ACACB: variants seen among roughly 807,000 people sequenced by gnomAD.
ACACB encodes acetyl-CoA carboxylase 2.
Under a neutral mutation model 278.8 loss-of-function variants are expected in ACACB, and 209 were observed. The observed-to-expected ratio is 0.75, with a 90% CI of 0.67 to 0.84. The LOEUF is 0.84. ACACB is among the 40% of genes least tolerant of loss of function. The pLI, the probability that ACACB is intolerant of heterozygous loss-of-function variation, is 0.00. For synonymous variants in ACACB, 1,174 were observed against 1,285.6 expected (o/e 0.91, Z 1.86); for missense variants, 2,850 against 3,269.0 (o/e 0.87, Z 3.13).
intron 7 of ACACB, 55 bp from the exon 8 acceptor site, chr12:109,175,876 T>G: frequency 1.3e-6 from 2 of 1,499,012 alleles, no homozygotes; most frequent in Non-Finnish European, 1.9e-6. Context: ...GGTTTCTGGG[T>G]TGTGTGTGTT....
At chr12:109,244,998 G>A (rs2046900987) in intron 37 of ACACB, among the ~76,000 whole-genome samples, 1 of 151,966 alleles carries the variant, frequency 6.6e-6, no homozygotes, top group Admixed American at 6.6e-5. Context: ...TCAGGAATTT[G>A]AGACTAGCCT....
intron 24 of ACACB, among the ~76,000 whole-genome samples, chr12:109,219,399 G>A (rs958312288): frequency 6.6e-6 from 1 of 152,128 alleles, no homozygotes; most frequent in Non-Finnish European, 1.5e-5. Context: ...CACCTAGGGG[G>A]TGGGGAGACT....
chr12:109,178,750 G>A (rs1190441974), intron 9 of ACACB, among the ~76,000 whole-genome samples: 1 of 152,216 alleles, frequency 6.6e-6, no homozygotes, highest in African/African-American at 2.4e-5. Context: ...AGAGGCAAGG[G>A]CTGGTGGGAG....
At chr12:109,193,783 G>C (rs2044986938) in intron 16 of ACACB, 54 bp downstream of exon 16, 1 of 1,491,960 alleles carries the variant, frequency 6.7e-7, no homozygotes, top group Non-Finnish European at 9.3e-7. Context: ...GCTTCAGGGA[G>C]TTTCTTTCTT....
At chr12:109,210,353 C>CTGTATATATGTATATACACGCACACACA (rs2045771076) in intron 21 of ACACB, among the ~76,000 whole-genome samples, 1 of 71,632 alleles carries the variant, frequency 1.4e-5, no homozygotes, top group Non-Finnish European at 3.0e-5. Context: ...ACACACATAT[C>CTGTATATATGTATATACACGCACACACA]TGTGTATATA....
chr12:109,261,613 G>A (rs141900292), intron 48 of ACACB, among the ~76,000 whole-genome samples: 2,443 of 152,250 alleles, frequency 0.016, 64 homozygotes, highest in African/African-American at 0.056. Context: ...GCTCACGCCT[G>A]TAATCCCAGC....
Position 109,233,996 on chromosome 12 carries a change from T to C in ACACB, c.4298T>C (p.Leu1433Pro), listed in dbSNP as rs1310947968. 6.2e-7 allele frequency: 1 copy of C among 1,614,032 alleles called. No homozygotes were observed. The highest frequency in any genetic ancestry group is 1.1e-5 in the South Asian group (1 of 91,048). ...LNVSIQCADH[L>P]EDEALVPILR... is the part of the protein sequence containing the mutation. ...GTGTCCATCCAGTGTGCAGACCACCTGGAGGATGAGGCACTGGTGCCGATT... is the reference window on the plus strand; with the variant it reads ...GTGTCCATCCAGTGTGCAGACCACCCGGAGGATGAGGCACTGGTGCCGATT... The change falls in exon 31 of 53, where the codon CTG becomes CCG. Residue 1433 changes from leucine to proline, a missense_variant. Leu to Pro is a moderately conservative substitution (Grantham distance 98, BLOSUM62 -3). Around this residue, in one of 3 missense-constraint regions of ACACB, gnomAD observed 2,265 missense variants for 2,561.3 expected, o/e 0.88. Transcript: ENST00000338432.
At chr12:109,117,369 AAAAAAG>A (rs1039862794) in intron 1 of ACACB, among the ~76,000 whole-genome samples, 6 of 151,846 alleles carry the variant, frequency 4.0e-5, no homozygotes, top group Non-Finnish European at 7.4e-5. Flanking sequence ...CAAAAAAAAA[AAAAAAG>A]AAAAGAAAAA....
intron 19 of ACACB, among the ~76,000 whole-genome samples, chr12:109,202,674 A>C (rs1277733474): frequency 1.3e-5 from 2 of 152,184 alleles, no homozygotes; most frequent in Non-Finnish European, 2.9e-5. Flanking sequence ...TTGCACGAGC[A>C]TGGTCCATTT....
intron 28 of ACACB, among the ~76,000 whole-genome samples, chr12:109,230,497 A>G (rs1018385224): frequency 1.3e-5 from 2 of 151,910 alleles, no homozygotes; most frequent in African/African-American, 4.8e-5. Context: ...ATCATAGCTC[A>G]CTACAGCCTT....
rs1229112394 is a variant in ACACB at position 109,264,147 on chromosome 12, CCTT to C, written c.6788-80_6788-78del. 7.2e-5 allele frequency: 104 copies of C among 1,435,074 alleles called. No homozygotes were observed. The African/African-American group carries it at 8.9e-4, about 12-fold the overall frequency. 88.9% of individuals were successfully genotyped at this position (1,435,074 alleles called of 1,614,324 possible). On this transcript the variant is annotated intron_variant, in intron 49 of 52. Coordinates refer to ENST00000338432, the MANE Select transcript of ACACB (RefSeq NM_001093.4). Reference sequence around the variant, plus strand: ...CCTGTCCTGCAAATCCTGATTTGTGCCTTCTTCAAAAAAAAAAAAAAATCTCCA... The same window carrying C: ...CCTGTCCTGCAAATCCTGATTTGTGCCTTCAAAAAAAAAAAAAAATCTCCA...
At chr12:109,250,199 T>G in intron 41 of ACACB, 95 bp downstream of exon 41, 1 of 1,345,268 alleles carries the variant, frequency 7.4e-7, no homozygotes, top group Non-Finnish European at 9.9e-7. Context: ...ATAAGCCCCA[T>G]GTGCCCGTCA....
chr12:109,254,145 A>AAAGTGCTGATC lies in ACACB; in HGVS notation c.6046-67_6046-57dup. 7 of 1,579,520 alleles carry AAAGTGCTGATC rather than the reference A, an allele frequency of 4.4e-6. No individual in the cohort carries two copies. The East Asian group carries it at 1.6e-4, about 36-fold the overall frequency. On this transcript the variant is annotated intron_variant, in intron 43 of 52. Transcript: ENST00000338432. Reference sequence around the variant, plus strand: ...CAGGCATAATCATAGTCAGAGGAGCAAAGTGCTGATCAGAGGTATTATTGA... The same window carrying AAAGTGCTGATC: ...CAGGCATAATCATAGTCAGAGGAGCAAAGTGCTGATCAAGTGCTGATCAGAGGTATTATTGA...
At chr12:109,222,131 G>A (rs1306779482) in intron 24 of ACACB, among the ~76,000 whole-genome samples, 1 of 151,886 alleles carries the variant, frequency 6.6e-6, no homozygotes, top group Non-Finnish European at 1.5e-5. Context: ...GAGCTCAAGC[G>A]ATCCTCCTGC....
In ACACB at chr12:109,246,184, C is replaced by G; in HGVS notation, c.5307C>G (p.Gly1769=). The G allele has an allele frequency of 6.2e-7, 1 of 1,609,984 alleles. No individual in the cohort carries two copies. The highest frequency in any genetic ancestry group is 8.5e-7 in the Non-Finnish European group (1 of 1,176,672). ...TGCATTCATCCCCTTGCCAGGTGGG[C>G]ATGGTGGCCTTCAAAATGAGGTTTA... is the stretch of plus-strand genomic sequence containing the variant. ...MNRLPGGNEV[G]MVAFKMRFKT... The change falls in exon 39 of 53, where the codon GGC becomes GGG. Residue 1769 remains glycine (G), a synonymous_variant. Transcript: ENST00000338432.
chr12:109,128,082 C>T (rs1399519967), intron 1 of ACACB, among the ~76,000 whole-genome samples: 2 of 152,146 alleles, frequency 1.3e-5, no homozygotes, highest in Non-Finnish European at 2.9e-5. Flanking sequence ...CTCTCCCTCA[C>T]GTCTGTCTCC....
chr12:109,195,906 C>G (rs1323248258), intron 16 of ACACB, among the ~76,000 whole-genome samples: 1 of 152,078 alleles, frequency 6.6e-6, no homozygotes, highest in African/African-American at 2.4e-5. Flanking sequence ...TCATTTTGAT[C>G]AGTTTAAATA....
chr12:109,175,786 T>G, intron 7 of ACACB, 145 bp from the exon 8 acceptor site: 1 of 649,448 alleles, frequency 1.5e-6, no homozygotes, highest in South Asian at 1.9e-5. Flanking sequence ...AAAGCCATTG[T>G]GAGAAGCTGA....
At chr12:109,215,403 G>T (rs1565934393) in intron 22 of ACACB, among the ~76,000 whole-genome samples, 1 of 151,968 alleles carries the variant, frequency 6.6e-6, no homozygotes, top group Non-Finnish European at 1.5e-5. Flanking sequence ...GTTCTTTTTG[G>T]CCTGCAGATG....
Sources: gnomAD v4.1 joint callset for allele counts (sites outside exome capture counted in the v4.1 genomes callset) on GRCh38, gnomAD v4.1.1 for gene constraint, gnomAD v4.1.1 regional missense constraint, MANE v1.5 for transcripts, NCBI Gene and HGNC (gene_info 2026-07-23, HGNC 2026-07-21) for gene names.